The following ENO3 variants were observed in gnomAD, a reference collection of about 807,000 sequenced individuals.
ENO3 encodes enolase 3.
In ENO3, 46 loss-of-function variants were observed where a neutral mutation model predicts 47.7. The observed-to-expected ratio is 0.96, with a 90% CI of 0.76 to 1.23. ENO3 has a LOEUF of 1.23. Among genes scored for constraint, ENO3 ranks in the 50% most tolerant of loss-of-function variants. The probability of loss-of-function intolerance (pLI) is 0.00; values close to 1 mark genes in which losing one functional copy is unlikely to be tolerated. For missense variants in ENO3, 575 were observed against 566.2 expected (o/e 1.02, Z -0.16); for synonymous variants, 223 against 225.9 (o/e 0.99, Z 0.11).
intron 6 of ENO3, chr17:4,954,081 A>C: frequency 1.6e-6 from 1 of 629,550 alleles, no homozygotes; most frequent in Non-Finnish European, 2.7e-6. Context: ...TCCCATTCCA[A>C]TCCTAGGCTC....
rs1380644644 is a variant in ENO3, at chr17:4,956,993, TG to T, written c.1255del (p.Asp419ThrfsTer?). 1.9e-6 allele frequency: 3 copies of T among 1,614,078 alleles called. No homozygotes were observed. Among genetic ancestry groups the T allele is most frequent in the African/African-American group, 2.7e-5 (2 of 74,920 alleles). On this transcript the variant is annotated frameshift_variant, in exon 12 of 12. Coordinates refer to ENST00000519602, the MANE Select transcript of ENO3 (RefSeq NM_053013.4). LOFTEE classifies it high-confidence loss of function. ...NQLMRIEEALGDKAIFAGRKF... is the reference protein window; with the variant it reads ...NQLMRIEEALXDKAIFAGRKF... ...TGCATTCTAGGATCGAGGAGGCTCT[TG>T]GGGACAAGGCAATCTTTGCTGGACG...
rs112203035 is a variant in ENO3, at chr17:4,955,298, G to A, written c.667+1G>A. On this transcript the variant is annotated splice_donor_variant, in intron 7 of 11. Coordinates refer to ENST00000519602, the MANE Select transcript of ENO3 (RefSeq NM_053013.4). LOFTEE classifies it high-confidence loss of function. ...CCCAACATCCTGGAGAACAATGAGG[G>A]TCAGTGCTGAGCACCCTGGGGGGCA... 6.2e-7 allele frequency: 1 copy of A among 1,614,168 alleles called. No homozygotes were observed. The highest frequency in any genetic ancestry group is 8.5e-7 in the Non-Finnish European group (1 of 1,180,062).
chr17:4,953,211 A>T, intron 4 of ENO3, 61 bp from the exon 5 acceptor site: 1 of 1,612,826 alleles, frequency 6.2e-7, no homozygotes, highest in Admixed American at 1.7e-5. Context: ...CTTCCCCTGC[A>T]TGTGCCCTGA....
upstream of ENO3, among the ~76,000 whole-genome samples, chr17:4,949,853 C>T (rs1971489655): frequency 6.6e-6 from 1 of 152,146 alleles, no homozygotes; most frequent in African/African-American, 2.4e-5. Context: ...AGCCGCGCGG[C>T]TGAGTCACTG....
chr17:4,951,225 G>A, intron 1 of ENO3, 43 bp downstream of exon 1: 1 of 997,328 alleles, frequency 1.0e-6, no homozygotes, highest in Non-Finnish European at 1.2e-6. Context: ...GTAGTAAAGG[G>A]TGAGCATGGT....
chr17:4,954,140 TGA>T (rs1182811858), intron 6 of ENO3: 10 of 493,028 alleles, frequency 2.0e-5, no homozygotes, highest in Non-Finnish European at 3.7e-5. Context: ...CAAATCATAT[TGA>T]GAGTTTCTTT....
rs764499447 is a variant in ENO3, at chr17:4,951,828, C to T, written c.-2C>T. 3.7e-6 allele frequency: 6 copies of T among 1,613,972 alleles called. No homozygotes were observed. In the Admixed American group the frequency reaches 1.0e-4, roughly 27 times the overall value. On this transcript the variant is annotated splice_region_variant and 5_prime_UTR_variant, in exon 2 of 12. Coordinates refer to ENST00000519602, the MANE Select transcript of ENO3 (RefSeq NM_053013.4). The stretch of plus-strand genomic sequence containing the variant: ...CTCACTCACACCTCCTGTCCTGCAG[C>T]CATGGCCATGCAGAAAATCTTTGCC...
intron 9 of ENO3, 165 bp downstream of exon 9, chr17:4,956,308 T>C: frequency 2.2e-6 from 2 of 901,732 alleles, no homozygotes; most frequent in Non-Finnish European, 3.5e-6. Flanking sequence ...TTGGCCTGAC[T>C]CCAAGAGCTT....
rs1353429459 is a variant in ENO3 at position 4,955,095 on chromosome 17, G to T, written c.465G>T (p.Gly155=). 6.2e-7 allele frequency: 1 copy of T among 1,613,772 alleles called. No homozygotes were observed. Among genetic ancestry groups the T allele is most frequent in the African/African-American group, 1.3e-5 (1 of 74,910 alleles). The change falls in exon 7 of 12, where the codon GGG becomes GGT. Residue 155 remains glycine, a synonymous_variant. Transcript: ENST00000519602. ...CTCAGGCCTTCAATGTGATCAACGG[G>T]GGCTCCCATGCTGGAAACAAGCTGG... ...LPVPAFNVIN[G]GSHAGNKLAM...
chr17:4,956,268 C>A, intron 9 of ENO3, 125 bp downstream of exon 9: 1 of 1,184,346 alleles, frequency 8.4e-7, no homozygotes, highest in Middle Eastern at 1.9e-4. Context: ...TTACCCACAC[C>A]TTGATCTCAA....
chr17:4,956,879 C>G lies in ENO3; in HGVS notation c.1225C>G (p.Gln409Glu), dbSNP rs762181439. ...CRSERLAKYN[Q>E]LMRIEEALGD... ...CTCGGAGCGTCTGGCCAAATACAAC[C>G]AACTCATGAGGTACAGCGGGAACAG... Residue 409 changes from glutamine (Q) to glutamate (E), a missense_variant, in exon 11 of 12, where the codon CAA becomes GAA. By Grantham distance (29) the Gln-to-Glu change is conservative. Transcript: ENST00000519602. The G allele has an allele frequency of 6.2e-7, 1 of 1,614,222 alleles. No individual in the cohort carries two copies. The highest frequency in any genetic ancestry group is 8.5e-7 in the Non-Finnish European group (1 of 1,180,042).
rs1971595762 is a variant in ENO3, at chr17:4,952,969, C to T, written c.181+79C>T. ...TGCACAATGGGTAGAGGACTGGAAC[C>T]CCCAAGGCTCTTGAGGAGCTGGGGT... On this transcript the variant is annotated intron_variant, in intron 3 of 11. Transcript: ENST00000519602. 9 of 1,611,054 alleles carry T rather than the reference C, an allele frequency of 5.6e-6. No homozygotes were observed. The Admixed American group carries it at 1.0e-4, about 18-fold the overall frequency.
rs143992803 is a variant in ENO3 at position 4,952,881 on chromosome 17, C to G, written c.172C>G (p.Leu58Val). The G allele has an allele frequency of 1.2e-6, 2 of 1,612,286 alleles. No homozygotes were observed. Among genetic ancestry groups the G allele is most frequent in the African/African-American group, 2.7e-5 (2 of 74,904 alleles). The change falls in exon 3 of 12, where the codon CTG becomes GTG. Residue 58 changes from leucine to valine, a missense_variant. Coordinates refer to ENST00000519602, the MANE Select transcript of ENO3 (RefSeq NM_053013.4). ...ELRDGDKGRY[L>V]GKGVLKAVEN... Reference sequence around the variant, plus strand: ...AAGAGACGGAGACAAAGGCCGCTACCTGGGGAAAGGTGAGGAGACACCAGC... The same window carrying G: ...AAGAGACGGAGACAAAGGCCGCTACGTGGGGAAAGGTGAGGAGACACCAGC...
intron 2 of ENO3, 58 bp downstream of exon 2, chr17:4,951,972 GC>G (rs1216995092): frequency 6.3e-7 from 1 of 1,580,590 alleles, no homozygotes; most frequent in Non-Finnish European, 8.7e-7. Context: ...TTTGGCCTTT[GC>G]CCCCCAGTTC....
chr17:4,953,408 A>T (rs1195591601), intron 5 of ENO3, 67 bp downstream of exon 5: 12 of 1,598,000 alleles, frequency 7.5e-6, no homozygotes, highest in Non-Finnish European at 5.1e-6. Flanking sequence ...CCATGGGGTG[A>T]GGCCTGATGG....
At chr17:4,949,821 C>G (rs1021433307), upstream of ENO3, among the ~76,000 whole-genome samples, 1 of 152,160 alleles carries the variant, frequency 6.6e-6, no homozygotes, top group Non-Finnish European at 1.5e-5. Flanking sequence ...CCCCGACGCC[C>G]CTCGAGTCCG....
rs1426001010 is a variant in ENO3 at position 4,955,490 on chromosome 17, T to C, written c.751T>C (p.Phe251Leu). 1.2e-6 allele frequency: 2 copies of C among 1,614,140 alleles called. No homozygotes were observed. The highest frequency in any genetic ancestry group is 1.7e-6 in the Non-Finnish European group (2 of 1,180,012). ...VIGMDVAASEFYRNGKYDLDF... is the reference protein window; with the variant it reads ...VIGMDVAASELYRNGKYDLDF... ...CGGCATGGATGTGGCAGCATCTGAG[T>C]TCTATCGCAATGGGAAGTACGATCT... Residue 251 changes from phenylalanine (F) to leucine (L), a missense_variant, in exon 8 of 12, where the codon TTC (phenylalanine) becomes CTC (leucine). Physicochemically the swap from Phe to Leu is conservative, Grantham distance 22. Coordinates refer to ENST00000519602, the MANE Select transcript of ENO3 (RefSeq NM_053013.4).
At chr17:4,950,734 C>G (rs971108872), upstream of ENO3, 2 of 947,078 alleles carry the variant, frequency 2.1e-6, no homozygotes, top group South Asian at 4.9e-5. Flanking sequence ...AATCTTGCAG[C>G]CCCTCTTCCA....
At position 4,956,620 on chromosome 17, in the gene ENO3, G is replaced by A. The variant is rs773328325; in HGVS notation, c.1115G>A (p.Arg372His). Residue 372 changes from arginine to histidine, a missense_variant, in exon 10 of 12, where the codon CGC becomes CAC. Physicochemically the swap from Arg to His is conservative, Grantham distance 29. Transcript: ENST00000519602. ...SNGWGVMVSH[R>H]SGETEDTFIA... Reference sequence around the variant, plus strand: ...GGCTGGGGGGTGATGGTGAGCCACCGCTCTGGGGAGACTGAGGACACATTC... The same window carrying A: ...GGCTGGGGGGTGATGGTGAGCCACCACTCTGGGGAGACTGAGGACACATTC... 19 of 1,614,048 alleles carry A rather than the reference G, an allele frequency of 1.2e-5. No homozygotes were observed. The highest frequency in any genetic ancestry group is 4.5e-5 in the East Asian group (2 of 44,888).
Sources: allele counts gnomAD v4.1 joint callset (sites outside exome capture counted in the v4.1 genomes callset), GRCh38; gene constraint gnomAD v4.1.1; transcripts MANE v1.5; gene names NCBI Gene and HGNC (gene_info 2026-07-23, HGNC 2026-07-21).